The following OR1L8 variants were observed in gnomAD, a reference collection of about 807,000 sequenced individuals.
The protein encoded by OR1L8 is olfactory receptor 1L8.
For synonymous variants in OR1L8, 148 were observed against 147.0 expected (o/e 1.01, Z -0.05); for missense variants, 330 against 377.4 (o/e 0.87, Z 1.04).
At position 122,576,685 on chromosome 9, in the gene OR1L8, T is replaced by G. The variant is rs184410034; in HGVS notation, c.-342+81A>C. ...AGTGTGTGGGCCTTTCTATGACTGG[T>G]TCCCCCTAGAGATTTTAACTCTCAG... On this transcript the variant is annotated intron_variant, in intron 3 of 4. Transcript: ENST00000641027. The G allele has an allele frequency of 9.1e-4, 139 of 152,356 alleles. 1 individual carries two copies. The highest frequency in any genetic ancestry group is 2.9e-3 in the African/African-American group (120 of 41,574). The allele number at this position is 152,356 out of a possible 1,614,324, so 9.4% of individuals were successfully genotyped here. A position where few individuals can be genotyped will look rare whatever the true frequency, so the allele number is the denominator to read the frequency against.
intron 3 of OR1L8, among the ~76,000 whole-genome samples, chr9:122,573,327 T>C (rs1453276728): frequency 6.6e-6 from 1 of 152,270 alleles, no homozygotes; most frequent in Non-Finnish European, 1.5e-5. Context: ...TTAACTTCAC[T>C]GCAATATCCG....
At chr9:122,573,846 A>T (rs1829594884) in intron 3 of OR1L8, among the ~76,000 whole-genome samples, 1 of 152,142 alleles carries the variant, frequency 6.6e-6, no homozygotes, top group African/African-American at 2.4e-5. Context: ...ATTTTCTCTT[A>T]TGTTATCCTC....
intron 1 of OR1L8, among the ~76,000 whole-genome samples, chr9:122,580,431 T>C (rs534408897): frequency 1.3e-5 from 2 of 152,314 alleles, no homozygotes; most frequent in South Asian, 4.1e-4. Flanking sequence ...ATAATAACCT[T>C]TCTGTTTCCC....
downstream of OR1L8, among the ~76,000 whole-genome samples, chr9:122,565,167 G>A (rs1484420087): frequency 6.6e-6 from 1 of 152,196 alleles, no homozygotes; most frequent in Non-Finnish European, 1.5e-5. Context: ...CATCTATTTG[G>A]ATTTTAGAGG....
the OR1L8 span, chr9:122,553,134 T>C: frequency 6.8e-7 from 1 of 1,467,272 alleles, no homozygotes; most frequent in Non-Finnish European, 9.3e-7. Flanking sequence ...CACAGATGCA[T>C]ATCTGTAAAT....
At chr9:122,554,017 A>G in the OR1L8 span, 6 of 1,611,792 alleles carry the variant, frequency 3.7e-6, no homozygotes, top group Admixed American at 1.7e-5. Context: ...CCATCAACTT[A>G]CTCTACAGAG....
chr9:122,552,749 AGTGTGTGTGTGT>A, the OR1L8 span, among the ~76,000 whole-genome samples: 212 of 129,756 alleles, frequency 1.6e-3, no homozygotes, highest in Non-Finnish European at 2.8e-3. Flanking sequence ...AGAGGGCTTG[AGTGTGTGTGTGT>A]GTGTGTGTGT....
At position 122,567,468 on chromosome 9, in the gene OR1L8, TTGAC is replaced by T; in HGVS notation, c.*76_*79del. 1 of 1,088,546 alleles carries T rather than the reference TTGAC, an allele frequency of 9.2e-7. No homozygotes were observed. 67.4% of individuals were successfully genotyped at this position (1,088,546 alleles called of 1,614,324 possible). A position where few individuals can be genotyped will look rare whatever the true frequency, so the allele number is the denominator to read the frequency against. On this transcript the variant is annotated 3_prime_UTR_variant, in exon 5 of 5. Transcript: ENST00000641027. ...TCAGAAGTGCTAGCTTCCAACAGCTTTGACTGTTCACCAGAAACCAGTAGAAAAC... is the reference window on the plus strand; with the variant it reads ...TCAGAAGTGCTAGCTTCCAACAGCTTTGTTCACCAGAAACCAGTAGAAAAC...
At position 122,568,525 on chromosome 9, in the gene OR1L8, C is replaced by G. The variant is rs753951332; in HGVS notation, c.-48G>C. 1.8e-6 allele frequency: 2 copies of G among 1,109,920 alleles called. No homozygotes were observed. Among genetic ancestry groups the G allele is most frequent in the Non-Finnish European group, 2.6e-6 (2 of 763,876 alleles). 68.8% of individuals were successfully genotyped at this position (1,109,920 alleles called of 1,614,324 possible). On this transcript the variant is annotated 5_prime_UTR_variant, in exon 5 of 5. Coordinates refer to ENST00000641027, the MANE Select transcript of OR1L8 (RefSeq NM_001004454.2). The stretch of plus-strand genomic sequence containing the variant: ...AAGAAGTTTTGTCATTTAACATGCT[C>G]TGATTTCATAACACCAATCATGAGA...
the OR1L8 span, among the ~76,000 whole-genome samples, chr9:122,560,880 C>T: frequency 6.6e-6 from 1 of 152,130 alleles, no homozygotes. Flanking sequence ...GTCTGTCTTG[C>T]TAGGTTGGGG....
At chr9:122,550,852 A>T in the OR1L8 span, among the ~76,000 whole-genome samples, 21 of 151,912 alleles carry the variant, frequency 1.4e-4, 1 homozygote, top group Non-Finnish European at 2.7e-4. Context: ...GACGAAGATG[A>T]CCACTTTCAT....
chr9:122,546,459 G>A, the OR1L8 span, among the ~76,000 whole-genome samples: 6 of 152,214 alleles, frequency 3.9e-5, no homozygotes, highest in South Asian at 2.1e-4. Context: ...TTGCTCGCAC[G>A]GTGCTTGCTT....
the OR1L8 span, among the ~76,000 whole-genome samples, chr9:122,549,476 A>G: frequency 6.6e-6 from 1 of 152,124 alleles, no homozygotes; most frequent in Admixed American, 6.5e-5. Flanking sequence ...GTTTTCTTCT[A>G]GGATTTGTAT....
chr9:122,561,275 G>A, the OR1L8 span, among the ~76,000 whole-genome samples: 4 of 152,012 alleles, frequency 2.6e-5, no homozygotes, highest in African/African-American at 9.7e-5. Flanking sequence ...TTTGCATTGG[G>A]TTAGAACATG....
downstream of OR1L8, among the ~76,000 whole-genome samples, chr9:122,562,655 C>A (rs1030021968): frequency 1.3e-5 from 2 of 152,124 alleles, no homozygotes; most frequent in Non-Finnish European, 2.9e-5. Context: ...CCTAGTCAGT[C>A]CTGGTGACAG....
At position 122,567,638 on chromosome 9, in the gene OR1L8, A is replaced by C. The variant is rs1362453438; in HGVS notation, c.840T>G (p.Val280=). The change falls in exon 5 of 5, where the codon GTT becomes GTG. Residue 280 remains valine, a synonymous_variant. Coordinates refer to ENST00000641027, the MANE Select transcript of OR1L8 (RefSeq NM_001004454.2). ...TAAAAGGATTGAGCATGGATGACAAAACTGTGTAAACAATTGTTGCCACGT... is the reference window on the plus strand; with the variant it reads ...TAAAAGGATTGAGCATGGATGACAACACTGTGTAAACAATTGTTGCCACGT... ...KDHVATIVYT[V]LSSMLNPFIY... 1 of 1,614,068 alleles carries C rather than the reference A, an allele frequency of 6.2e-7. No homozygotes were observed. The highest frequency in any genetic ancestry group is 1.1e-5 in the South Asian group (1 of 91,068).
At chr9:122,566,002 G>A (rs1251906080), downstream of OR1L8, among the ~76,000 whole-genome samples, 1 of 152,144 alleles carries the variant, frequency 6.6e-6, no homozygotes, top group Non-Finnish European at 1.5e-5. Flanking sequence ...GGGATCTATG[G>A]AGTATGATCC....
chr9:122,567,153 T>C lies in OR1L8; in HGVS notation c.*395A>G, dbSNP rs187153508. 3.2e-5 allele frequency: 5 copies of C among 156,774 alleles called. No homozygotes were observed. Among genetic ancestry groups the C allele is most frequent in the Admixed American group, 2.6e-4 (4 of 15,442 alleles). 9.7% of individuals were successfully genotyped at this position (156,774 alleles called of 1,614,324 possible). A position where few individuals can be genotyped will look rare whatever the true frequency, so the allele number is the denominator to read the frequency against. On this transcript the variant is annotated 3_prime_UTR_variant, in exon 5 of 5. Transcript: ENST00000641027. Reference sequence around the variant, plus strand: ...TCATTCTTTCTCTTTTCAATTTTTTTGCAAAAACATTCAATGGCTACAAAT... The same window carrying C: ...TCATTCTTTCTCTTTTCAATTTTTTCGCAAAAACATTCAATGGCTACAAAT...
the OR1L8 span, among the ~76,000 whole-genome samples, chr9:122,555,635 C>T: frequency 6.6e-6 from 1 of 152,156 alleles, no homozygotes; most frequent in Non-Finnish European, 1.5e-5. Flanking sequence ...GGAATTGGCT[C>T]ATGCAGTTGT....
Sources: gnomAD v4.1 joint callset for allele counts (sites outside exome capture counted in the v4.1 genomes callset) on GRCh38, gnomAD v4.1.1 for gene constraint, MANE v1.5 for transcripts, NCBI Gene and HGNC (gene_info 2026-07-23, HGNC 2026-07-21) for gene names.